Variants in CFAP299 observed in about 807,000 individuals in gnomAD.
The protein encoded by CFAP299 is cilia- and flagella-associated protein 299.
In CFAP299, 21 loss-of-function variants were observed where a neutral mutation model predicts 27.0. That is an observed-to-expected ratio of 0.78 (90% CI 0.55 to 1.12). The LOEUF is 1.12. Among genes scored for constraint, CFAP299 ranks in the 50% most tolerant of loss-of-function variants. The pLI is 0.00. For synonymous variants in CFAP299, 104 were observed against 98.1 expected, an observed-to-expected ratio of 1.06 and a Z score of -0.36; for missense variants, 310 against 276.6, an observed-to-expected ratio of 1.12 and a Z score of -0.86.
intron 3 of CFAP299, among the ~76,000 whole-genome samples, chr4:80,667,515 C>T (rs946989485): frequency 1.3e-5 from 2 of 152,086 alleles, no homozygotes; most frequent in African/African-American, 4.8e-5. Flanking sequence ...CTTTCCTGTC[C>T]TCTGGTCACC....
intron 2 of CFAP299, among the ~76,000 whole-genome samples, chr4:80,429,731 CTA>C (rs1727714383): frequency 2.0e-5 from 3 of 151,994 alleles, no homozygotes; most frequent in African/African-American, 4.8e-5. Flanking sequence ...GTAATCATAA[CTA>C]TGATTCTATA....
At chr4:80,578,660 A>G (rs1432407032) in intron 2 of CFAP299, among the ~76,000 whole-genome samples, 1 of 152,162 alleles carries the variant, frequency 6.6e-6, no homozygotes, top group African/African-American at 2.4e-5. Flanking sequence ...ATTGCTTTAG[A>G]CCACAAGTTT....
At chr4:80,897,072 G>T (rs1440376791) in intron 4 of CFAP299, among the ~76,000 whole-genome samples, 1 of 152,122 alleles carries the variant, frequency 6.6e-6, no homozygotes, top group Non-Finnish European at 1.5e-5. Context: ...AAAAGGCATG[G>T]CAAATTTTAG....
In CFAP299 at chr4:80,810,351, GACACAC is replaced by G. The variant is rs70956066; in HGVS notation, c.334-59624_334-59619del. Among the ~76,000 whole-genome samples, 5 of 147,682 alleles carry G rather than the reference GACACAC, an allele frequency of 3.4e-5. No homozygotes were observed. In the East Asian group the frequency reaches 7.9e-4, roughly 23 times the overall value. On this transcript the variant is annotated intron_variant, in intron 3 of 5. Coordinates refer to ENST00000358105, the MANE Select transcript of CFAP299 (RefSeq NM_152770.3). ...TTGAATAATGTGCCCCCCAACCCCT[GACACAC>G]ACACACACACACACACATACACACC...
At chr4:80,527,817 T>C (rs1578556514) in intron 2 of CFAP299, among the ~76,000 whole-genome samples, 1 of 152,268 alleles carries the variant, frequency 6.6e-6, no homozygotes, top group South Asian at 2.1e-4. Flanking sequence ...TTCTATGATG[T>C]TGTTATATAA....
chr4:80,471,671 CAA>C (rs1247435691), intron 2 of CFAP299, among the ~76,000 whole-genome samples: 3 of 151,634 alleles, frequency 2.0e-5, no homozygotes, highest in African/African-American at 7.3e-5. Context: ...CAATTGAAAA[CAA>C]TGATATAAGG....
rs34460418 is a variant in CFAP299, at chr4:80,651,704, T to TTGTGTGTGTGTGTGTG, written c.333+68541_333+68556dup. ...TTTTTCTAAGCTGTTAGGTATGCAC[T>TTGTGTGTGTGTGTGTG]TGTGTGTGTGTGTGTGTGTGTGTGT... On this transcript the variant is annotated intron_variant, in intron 3 of 5. Coordinates refer to ENST00000358105, the MANE Select transcript of CFAP299 (RefSeq NM_152770.3). Among the ~76,000 whole-genome samples, 325 of 139,624 alleles carry TTGTGTGTGTGTGTGTG rather than the reference T, an allele frequency of 2.3e-3. 2 individuals carry two copies. Among genetic ancestry groups the TTGTGTGTGTGTGTGTG allele is most frequent in the African/African-American group, 7.7e-3 (294 of 38,256 alleles). The allele number at this position is 139,624 out of a possible 152,430, so 91.6% of individuals were successfully genotyped here. A position where few individuals can be genotyped will look rare whatever the true frequency, so the allele number is the denominator to read the frequency against.
intron 2 of CFAP299, among the ~76,000 whole-genome samples, chr4:80,514,309 T>A (rs538995504): frequency 6.6e-6 from 1 of 152,228 alleles, no homozygotes; most frequent in Admixed American, 6.5e-5. Context: ...TTTGATCATG[T>A]TATTAATCTT....
Position 80,895,189 on chromosome 4 carries a change from C to CACAT in CFAP299, c.476+25057_476+25058insTACA, listed in dbSNP as rs140183005. Among the ~76,000 whole-genome samples the CACAT allele has an allele frequency of 8.2e-3, 1,241 of 151,694 alleles. 19 individuals are homozygous for CACAT. The highest frequency in any genetic ancestry group is 0.051 in the South Asian group (245 of 4,814). Reference sequence around the variant, plus strand: ...TTCTCACCACACACACACACACACACACACACACACTAGTAACTATGTGAA... The same window carrying CACAT: ...TTCTCACCACACACACACACACACACACATACACACACACTAGTAACTATGTGAA... On this transcript the variant is annotated intron_variant, in intron 4 of 5. Transcript: ENST00000358105.
chr4:80,732,995 A>G (rs557679846), intron 3 of CFAP299, among the ~76,000 whole-genome samples: 2 of 152,264 alleles, frequency 1.3e-5, no homozygotes, highest in East Asian at 3.9e-4. Context: ...AAATCAGTAT[A>G]AATTGTGCTC....
At chr4:80,782,624 T>C (rs1469401859) in intron 3 of CFAP299, among the ~76,000 whole-genome samples, 4 of 105,776 alleles carry the variant, frequency 3.8e-5, no homozygotes, top group Non-Finnish European at 8.5e-5. Context: ...ATATATAATA[T>C]ATTCATATAT....
At chr4:80,473,446 T>TA (rs566415594) in intron 2 of CFAP299, among the ~76,000 whole-genome samples, 32 of 148,460 alleles carry the variant, frequency 2.2e-4, no homozygotes, top group Admixed American at 4.0e-4. Context: ...GTCTCCTGCT[T>TA]AAAAAAAAAA....
chr4:80,625,555 T>G (rs1223571639), intron 3 of CFAP299, among the ~76,000 whole-genome samples: 2 of 151,996 alleles, frequency 1.3e-5, no homozygotes, highest in African/African-American at 4.8e-5. Context: ...TGTAAATGGA[T>G]TATGTTCTCC....
chr4:80,842,174 G>C (rs947365172), intron 3 of CFAP299, among the ~76,000 whole-genome samples: 3 of 152,114 alleles, frequency 2.0e-5, no homozygotes, highest in South Asian at 4.1e-4. Context: ...AGAGGCTACT[G>C]TATGTTGTTG....
chr4:80,378,282 A>G (rs759730456), intron 2 of CFAP299, among the ~76,000 whole-genome samples: 6 of 152,116 alleles, frequency 3.9e-5, no homozygotes, highest in Non-Finnish European at 7.4e-5. Flanking sequence ...TTAACCTTTC[A>G]TCATGCAACT....
intron 2 of CFAP299, among the ~76,000 whole-genome samples, chr4:80,472,474 C>A (rs1730053831): frequency 6.6e-6 from 1 of 152,086 alleles, no homozygotes; most frequent in Non-Finnish European, 1.5e-5. Flanking sequence ...AATGCATTGG[C>A]CTTTTGATTT....
chr4:80,850,363 T>C (rs756159318), intron 3 of CFAP299, among the ~76,000 whole-genome samples: 2 of 151,996 alleles, frequency 1.3e-5, no homozygotes, highest in Non-Finnish European at 2.9e-5. Context: ...AGTATTAATA[T>C]GTTATTCAGA....
rs988456973 is a variant in CFAP299 at position 80,385,447 on chromosome 4, C to CT, written c.242+22573dup. Among the ~76,000 whole-genome samples the CT allele has an allele frequency of 3.2e-3, 461 of 145,432 alleles. 3 individuals are homozygous for CT. Among genetic ancestry groups the CT allele is most frequent in the African/African-American group, 0.01 (403 of 39,800 alleles). On this transcript the variant is annotated intron_variant, in intron 2 of 5. Coordinates refer to ENST00000358105, the MANE Select transcript of CFAP299 (RefSeq NM_152770.3). ...ACACTACATATACTATATTTCTTTT[C>CT]TTTTTTTTTTAATGACAACAACATT...
At chr4:80,542,816 C>A (rs551430471) in intron 2 of CFAP299, among the ~76,000 whole-genome samples, 1 of 152,142 alleles carries the variant, frequency 6.6e-6, no homozygotes, top group East Asian at 1.9e-4. Context: ...AGAATGTTTG[C>A]GTGTGACCCT....
Sources: gnomAD v4.1 joint callset for allele counts (sites outside exome capture counted in the v4.1 genomes callset) on GRCh38, gnomAD v4.1.1 for gene constraint, MANE v1.5 for transcripts, NCBI Gene and HGNC (gene_info 2026-07-23, HGNC 2026-07-21) for gene names.